Variants in POFUT3 observed in about 807,000 individuals in gnomAD.
POFUT3 encodes the protein GDP-fucose protein O-fucosyltransferase 3.
the POFUT3 span, among the ~76,000 whole-genome samples, chr8:33,440,619 T>C: frequency 1.3e-5 from 2 of 152,166 alleles, no homozygotes; most frequent in Non-Finnish European, 2.9e-5. Flanking sequence ...ATATGATTTC[T>C]TCAAAAAAAT....
chr8:33,309,348 G>A, the POFUT3 span, among the ~76,000 whole-genome samples: 2 of 101,108 alleles, frequency 2.0e-5, no homozygotes, highest in South Asian at 4.4e-4. Flanking sequence ...ATCCTTAAAG[G>A]TATTGTGTGT....
At chr8:33,326,909 G>A in the POFUT3 span, among the ~76,000 whole-genome samples, 2 of 152,158 alleles carry the variant, frequency 1.3e-5, no homozygotes, top group Non-Finnish European at 2.9e-5. Context: ...TCAAGTAGCT[G>A]GGACTACAAA....
chr8:33,397,891 A>C, the POFUT3 span, among the ~76,000 whole-genome samples: 1 of 152,216 alleles, frequency 6.6e-6, no homozygotes, highest in African/African-American at 2.4e-5. Context: ...GAGACAGAAG[A>C]CATTACTAAC....
chr8:33,391,168 GC>G, the POFUT3 span, among the ~76,000 whole-genome samples: 2 of 152,230 alleles, frequency 1.3e-5, no homozygotes, highest in South Asian at 4.2e-4. Flanking sequence ...ATTATTTAAT[GC>G]CAGTGTACAC....
the POFUT3 span, among the ~76,000 whole-genome samples, chr8:33,458,123 T>C: frequency 6.6e-6 from 1 of 151,884 alleles, no homozygotes; most frequent in African/African-American, 2.4e-5. Context: ...AAAGGGGAAA[T>C]TTTGACACAC....
At chr8:33,392,198 C>T in the POFUT3 span, among the ~76,000 whole-genome samples, 7 of 152,142 alleles carry the variant, frequency 4.6e-5, no homozygotes, top group East Asian at 1.9e-4. Flanking sequence ...CACATGCGTG[C>T]GCATGTGTGC....
chr8:33,405,998 A>G, the POFUT3 span, among the ~76,000 whole-genome samples: 3 of 152,180 alleles, frequency 2.0e-5, no homozygotes, highest in Non-Finnish European at 2.9e-5. Flanking sequence ...GTACGTAGTA[A>G]ATTTTTAATT....
the POFUT3 span, chr8:33,377,683 T>C: frequency 6.6e-6 from 1 of 152,216 alleles, no homozygotes; most frequent in Admixed American, 6.5e-5. Context: ...GTGTGTCTGA[T>C]GAAGTAGTTA....
the POFUT3 span, among the ~76,000 whole-genome samples, chr8:33,459,056 A>G: frequency 6.6e-6 from 1 of 152,266 alleles, no homozygotes; most frequent in South Asian, 2.1e-4. Context: ...TGTTGTGTGG[A>G]GAACCAGGCG....
the POFUT3 span, among the ~76,000 whole-genome samples, chr8:33,384,904 A>G: frequency 6.6e-6 from 1 of 152,208 alleles, no homozygotes; most frequent in Non-Finnish European, 1.5e-5. Context: ...TTGCATGGTG[A>G]GAGAGGTACC....
At chr8:33,318,554 A>C in the POFUT3 span, among the ~76,000 whole-genome samples, 8 of 104,022 alleles carry the variant, frequency 7.7e-5, no homozygotes, top group Middle Eastern at 4.0e-3. Flanking sequence ...ATTTTATATA[A>C]ATATATATAT....
the POFUT3 span, among the ~76,000 whole-genome samples, chr8:33,324,283 A>T: frequency 6.6e-6 from 1 of 152,202 alleles, no homozygotes; most frequent in Non-Finnish European, 1.5e-5. Flanking sequence ...GGAGGTAGAG[A>T]ACATGGATAA....
chr8:33,388,007 A>T, the POFUT3 span, among the ~76,000 whole-genome samples: 1 of 152,206 alleles, frequency 6.6e-6, no homozygotes, highest in Non-Finnish European at 1.5e-5. Flanking sequence ...GTTCATTCCC[A>T]TTATAAACAA....
chr8:33,455,591 AG>A, the POFUT3 span, among the ~76,000 whole-genome samples: 1 of 152,216 alleles, frequency 6.6e-6, no homozygotes. Context: ...TGCTGGAGAA[AG>A]GGTTGATCTG....
At chr8:33,435,885 G>GA in the POFUT3 span, among the ~76,000 whole-genome samples, 132 of 150,166 alleles carry the variant, frequency 8.8e-4, no homozygotes, top group African/African-American at 2.9e-3. Context: ...TCACCGGAGA[G>GA]AAAAAAAAAG....
At chr8:33,461,523 C>G in the POFUT3 span, 1 of 1,608,168 alleles carries the variant, frequency 6.2e-7, no homozygotes, top group South Asian at 1.1e-5. Flanking sequence ...GCCCAGAGCC[C>G]GAGACAACTT....
chr8:33,330,459 A>G, the POFUT3 span, among the ~76,000 whole-genome samples: 1 of 152,110 alleles, frequency 6.6e-6, no homozygotes, highest in African/African-American at 2.4e-5. Context: ...AAAAACAACA[A>G]ACAAAAAAAA....
chr8:33,324,089 C>T, the POFUT3 span, among the ~76,000 whole-genome samples: 1 of 152,056 alleles, frequency 6.6e-6, no homozygotes. Flanking sequence ...ATGTGATGTC[C>T]ATAGACTCCC....
chr8:33,349,518 G>A, the POFUT3 span, among the ~76,000 whole-genome samples: 1 of 152,094 alleles, frequency 6.6e-6, no homozygotes, highest in Admixed American at 6.6e-5. Flanking sequence ...TCACTTGTAA[G>A]TGAGAACATA....
Sources: allele counts gnomAD v4.1 joint callset (sites outside exome capture counted in the v4.1 genomes callset), GRCh38; gene constraint gnomAD v4.1.1; transcripts MANE v1.5; gene names NCBI Gene and HGNC (gene_info 2026-07-23, HGNC 2026-07-21).